The following MOCOS variants were observed in gnomAD, a reference collection of about 807,000 sequenced individuals.
MOCOS encodes the protein molybdenum cofactor sulfurase.
In MOCOS, 86 loss-of-function variants were observed where a neutral mutation model predicts 83.6. That is an observed-to-expected ratio of 1.03 (90% CI 0.86 to 1.23). The LOEUF (loss-of-function observed/expected upper bound fraction) is 1.23, where lower values mean the gene tolerates loss of function less well. MOCOS is among the 50% of genes most tolerant of loss of function. The pLI, the probability that MOCOS is intolerant of heterozygous loss-of-function variation, is 0.00. For missense variants in MOCOS, 1,120 were observed against 1,126.9 expected (o/e 0.99, Z 0.09); for synonymous variants, 445 against 434.7 (o/e 1.02, Z -0.29).
chr18:36,213,561 G>A, intron 7 of MOCOS, 79 bp downstream of exon 7: 1 of 1,160,792 alleles, frequency 8.6e-7, no homozygotes, highest in Non-Finnish European at 1.3e-6. Flanking sequence ...GTCTGGGGTG[G>A]GGGCTGCTGC....
chr18:36,243,446 A>T (rs552588377), intron 9 of MOCOS, among the ~76,000 whole-genome samples: 34 of 152,358 alleles, frequency 2.2e-4, no homozygotes, highest in Non-Finnish European at 4.7e-4. Flanking sequence ...CCAACTCTGC[A>T]TCACTGGTAT....
chr18:36,245,195 T>A (rs964045121), intron 9 of MOCOS, among the ~76,000 whole-genome samples: 1 of 152,106 alleles, frequency 6.6e-6, no homozygotes, highest in African/African-American at 2.4e-5. Flanking sequence ...ACCTTTTTTT[T>A]ATTGTGTTAT....
intron 11 of MOCOS, among the ~76,000 whole-genome samples, chr18:36,256,102 G>A (rs999892595): frequency 2.0e-5 from 3 of 152,022 alleles, no homozygotes; most frequent in African/African-American, 7.2e-5. Context: ...ATGTTGGTCA[G>A]GCTGGTCTTG....
intron 10 of MOCOS, among the ~76,000 whole-genome samples, chr18:36,249,936 C>A (rs1392265041): frequency 6.6e-6 from 1 of 152,070 alleles, no homozygotes; most frequent in Non-Finnish European, 1.5e-5. Flanking sequence ...CTACTGAATT[C>A]TAGGAAATGT....
chr18:36,226,705 A>T, intron 9 of MOCOS, among the ~76,000 whole-genome samples: 1 of 76,766 alleles, frequency 1.3e-5, no homozygotes, highest in African/African-American at 4.2e-5. Flanking sequence ...TAACTTCTAT[A>T]GGTTTTTTCT....
In MOCOS at chr18:36,215,462, G is replaced by A. The variant is rs631108; in HGVS notation, c.1336-54G>A. 1,400,033 of 1,537,626 alleles carry A rather than the reference G, an allele frequency of 0.91. 639,231 individuals are homozygous for A. The highest frequency in any genetic ancestry group is 0.93 in the Non-Finnish European group (1,042,889 of 1,119,150). ...AATTTATTTTGCCGAACTGTTTCCA[G>A]TGTCTCTATGAGAAAGGGGTCACTC... On this transcript the variant is annotated intron_variant, in intron 7 of 14. Transcript: ENST00000261326.
intron 7 of MOCOS, 138 bp from the exon 8 acceptor site, chr18:36,215,377 AC>A (rs1451665652): frequency 2.4e-6 from 2 of 821,870 alleles, no homozygotes; most frequent in Non-Finnish European, 4.0e-6. Context: ...TATGTCCCAG[AC>A]GCACAGCACA....
intron 9 of MOCOS, among the ~76,000 whole-genome samples, chr18:36,240,222 A>G (rs2091575875): frequency 1.6e-5 from 2 of 128,684 alleles, no homozygotes; most frequent in South Asian, 5.4e-4. Flanking sequence ...TGATTTTTAG[A>G]GTTTCCAGTT....
At chr18:36,205,051 C>A (rs928775436) in intron 5 of MOCOS, 26 bp from the exon 6 acceptor site, 17 of 1,039,900 alleles carry the variant, frequency 1.6e-5, no homozygotes, top group Non-Finnish European at 2.2e-5. Flanking sequence ...GCTCATGATT[C>A]TCTTGTGTTT....
intron 9 of MOCOS, among the ~76,000 whole-genome samples, chr18:36,229,781 G>C (rs1427384492): frequency 6.6e-6 from 1 of 151,768 alleles, no homozygotes; most frequent in Non-Finnish European, 1.5e-5. Flanking sequence ...GATCTAGTCT[G>C]CTGTTGAACC....
At chr18:36,193,391 T>C (rs991257562) in intron 1 of MOCOS, among the ~76,000 whole-genome samples, 3 of 141,058 alleles carry the variant, frequency 2.1e-5, no homozygotes, top group Non-Finnish European at 3.0e-5. Context: ...TTGGCATAAG[T>C]ATACACATAT....
chr18:36,197,892 A>G (rs1485013447), intron 2 of MOCOS, among the ~76,000 whole-genome samples: 1 of 152,210 alleles, frequency 6.6e-6, no homozygotes. Flanking sequence ...CTTCATGCCC[A>G]TTACAGCTAA....
At position 36,213,439 on chromosome 18, in the gene MOCOS, G is replaced by C; in HGVS notation, c.1292G>C (p.Arg431Thr). Reference sequence around the variant, plus strand: ...TTCTGTAACACTGGGGCCTGCCAGAGGCACCTGGGCATAAGCAACGAGATG... The same window carrying C: ...TTCTGTAACACTGGGGCCTGCCAGACGCACCTGGGCATAAGCAACGAGATG... ...GCFCNTGACQ[R>T]HLGISNEMVR... Residue 431 changes from arginine (R) to threonine (T), a missense_variant, in exon 7 of 15, where the codon AGG becomes ACG. Arg to Thr is a moderately conservative substitution (Grantham distance 71, BLOSUM62 -1). Coordinates refer to ENST00000261326, the MANE Select transcript of MOCOS (RefSeq NM_017947.4). 3 of 1,614,108 alleles carry C rather than the reference G, an allele frequency of 1.9e-6. No individual in the cohort carries two copies. The highest frequency in any genetic ancestry group is 1.7e-6 in the Non-Finnish European group (2 of 1,180,026).
At position 36,187,541 on chromosome 18, in the gene MOCOS, T is replaced by TG. The variant is rs2091345750; in HGVS notation, c.4dup (p.Ala2?). 8.1e-7 allele frequency: 1 copy of TG among 1,236,480 alleles called. No homozygotes were observed. The highest frequency in any genetic ancestry group is 3.1e-5 in the East Asian group (1 of 31,794). The allele number at this position is 1,236,480 out of a possible 1,614,324, so 76.6% of individuals were successfully genotyped here. A position where few individuals can be genotyped will look rare whatever the true frequency, so the allele number is the denominator to read the frequency against. ...GGCCTGGATGGACTAGCCGGGGCCA[T>TG]GGCCGGCGCGGCGGCGGAGTCAGGG... On this transcript the variant is annotated frameshift_variant and start_lost, in exon 1 of 15. Coordinates refer to ENST00000261326, the MANE Select transcript of MOCOS (RefSeq NM_017947.4). LOFTEE classifies it high-confidence loss of function.
Position 36,268,935 on chromosome 18 carries a change from G to A in MOCOS, c.*250G>A, listed in dbSNP as rs1194376516. ...ACCCACATCCAGTGAGGCTCCTGTA[G>A]GTATTTGAAGTATAATCACTTGTAA... On this transcript the variant is annotated 3_prime_UTR_variant, in exon 15 of 15. Transcript: ENST00000261326. 1 of 525,128 alleles carries A rather than the reference G, an allele frequency of 1.9e-6. No homozygotes were observed. Among genetic ancestry groups the A allele is most frequent in the Non-Finnish European group, 3.4e-6 (1 of 294,088 alleles). 32.5% of individuals were successfully genotyped at this position (525,128 alleles called of 1,614,324 possible).
Position 36,220,196 on chromosome 18 carries a change from A to G in MOCOS, c.1939A>G (p.Ile647Val), listed in dbSNP as rs781117281. 1.2e-6 allele frequency: 2 copies of G among 1,614,170 alleles called. No homozygotes were observed. The highest frequency in any genetic ancestry group is 1.1e-5 in the South Asian group (1 of 91,072). The stretch of plus-strand genomic sequence containing the variant: ...GCCCTTCATCGACTTGCGGCAAAGG[A>G]TCATGGTCATCAAAGCCAAAGGTGG... The part of the protein sequence containing the change: ...IQPFIDLRQR[I>V]MVIKAKGMEP... The change falls in exon 9 of 15, where the codon ATC becomes GTC. Residue 647 changes from isoleucine to valine, a missense_variant. By Grantham distance (29) the Ile-to-Val change is conservative (BLOSUM62 3). Coordinates refer to ENST00000261326, the MANE Select transcript of MOCOS (RefSeq NM_017947.4).
At chr18:36,193,928 A>C (rs895774061) in intron 1 of MOCOS, among the ~76,000 whole-genome samples, 3 of 152,260 alleles carry the variant, frequency 2.0e-5, no homozygotes, top group African/African-American at 7.2e-5. Flanking sequence ...AAAATGTGGT[A>C]TATTCATACA....
At chr18:36,231,398 G>A (rs928437731) in intron 9 of MOCOS, among the ~76,000 whole-genome samples, 2 of 152,118 alleles carry the variant, frequency 1.3e-5, no homozygotes, top group African/African-American at 4.8e-5. Context: ...TCTTGTTCAA[G>A]TTCAAGTACC....
rs1481201191 is a variant in MOCOS at position 36,270,039 on chromosome 18, A to G, written c.*1354A>G. 1 of 152,168 alleles carries G rather than the reference A, an allele frequency of 6.6e-6. No homozygotes were observed. The highest frequency in any genetic ancestry group is 1.5e-5 in the Non-Finnish European group (1 of 68,054). 9.4% of individuals were successfully genotyped at this position (152,168 alleles called of 1,614,324 possible). A position where few individuals can be genotyped will look rare whatever the true frequency, so the allele number is the denominator to read the frequency against. On this transcript the variant is annotated 3_prime_UTR_variant, in exon 15 of 15. Coordinates refer to ENST00000261326, the MANE Select transcript of MOCOS (RefSeq NM_017947.4). ...CTGTTCTCAAGGATTGTTGAGATGG[A>G]GCCTAATGATTGCACACTCACGTGC... is the stretch of plus-strand genomic sequence containing the variant.
Sources: allele counts gnomAD v4.1 joint callset (sites outside exome capture counted in the v4.1 genomes callset), GRCh38; gene constraint gnomAD v4.1.1; transcripts MANE v1.5; gene names NCBI Gene and HGNC (gene_info 2026-07-23, HGNC 2026-07-21).